Variants in CTNNA2 observed in about 807,000 individuals in gnomAD.
The protein encoded by CTNNA2 is catenin alpha 2.
CTNNA2 carries 42 observed loss-of-function variants against 101.0 expected under a neutral mutation model. The observed-to-expected ratio is 0.42, with a 90% confidence interval of 0.32 to 0.54. The LOEUF is 0.54. CTNNA2 is among the 20% of genes least tolerant of loss of function. The probability of loss-of-function intolerance (pLI) is 0.14; values close to 1 mark genes in which losing one functional copy is unlikely to be tolerated. For missense variants in CTNNA2, 871 were observed against 1,223.1 expected, an observed-to-expected ratio of 0.71 and a Z score of 4.29; for synonymous variants, 450 against 456.4, an observed-to-expected ratio of 0.99 and a Z score of 0.18.
chr2:79,834,357 TGAA>T (rs2105440757), intron 3 of CTNNA2, among the ~76,000 whole-genome samples: 1 of 152,256 alleles, frequency 6.6e-6, no homozygotes, highest in African/African-American at 2.4e-5. Context: ...AGATATTCTC[TGAA>T]GTAGTTGTAA....
chr2:80,589,282 G>A (rs771466133), intron 14 of CTNNA2, 22 bp from the exon 15 acceptor site: 5 of 1,611,940 alleles, frequency 3.1e-6, no homozygotes, highest in Non-Finnish European at 4.2e-6. Flanking sequence ...CGTCACTCAC[G>A]CTTTTTCTGT....
intron 2 of CTNNA2, among the ~76,000 whole-genome samples, chr2:79,219,105 A>G (rs1349821126): frequency 6.6e-6 from 1 of 152,068 alleles, no homozygotes; most frequent in Non-Finnish European, 1.5e-5. Context: ...ACTTCCTCCT[A>G]TTTTTTCCCT....
intron 15 of CTNNA2, among the ~76,000 whole-genome samples, chr2:80,596,351 C>T (rs1462116452): frequency 2.6e-4 from 28 of 107,704 alleles, no homozygotes; most frequent in African/African-American, 1.0e-3. Flanking sequence ...GCTCTGTTGC[C>T]AAGGCTGGAG....
chr2:79,637,895 C>T (rs539661317), intron 1 of CTNNA2, among the ~76,000 whole-genome samples: 1 of 152,090 alleles, frequency 6.6e-6, no homozygotes, highest in African/African-American at 2.4e-5. Context: ...ATTGGGATAC[C>T]ATCACTATTG....
At chr2:79,569,328 G>T (rs796257142) in intron 1 of CTNNA2, among the ~76,000 whole-genome samples, 1 of 152,062 alleles carries the variant, frequency 6.6e-6, no homozygotes, top group Non-Finnish European at 1.5e-5. Flanking sequence ...CGGCTGGGGG[G>T]TCTTGAGGTA....
At chr2:79,287,949 G>A (rs57443532) in intron 2 of CTNNA2, among the ~76,000 whole-genome samples, 15,568 of 152,312 alleles carry the variant, frequency 0.1, 831 homozygotes, top group Non-Finnish European at 0.12. Context: ...ATAATCTCCT[G>A]ATGCGCTGTT....
chr2:79,971,107 G>A (rs1423889945), intron 7 of CTNNA2, among the ~76,000 whole-genome samples: 1 of 152,010 alleles, frequency 6.6e-6, no homozygotes, highest in African/African-American at 2.4e-5. Context: ...CCCCATTTTG[G>A]CATCCTTAAC....
At chr2:79,248,234 A>G (rs1674723204) in intron 2 of CTNNA2, among the ~76,000 whole-genome samples, 1 of 152,136 alleles carries the variant, frequency 6.6e-6, no homozygotes, top group Non-Finnish European at 1.5e-5. Flanking sequence ...GACCGGTGCT[A>G]TTCATTGGTA....
chr2:80,485,481 C>G (rs1036003336), intron 9 of CTNNA2, among the ~76,000 whole-genome samples: 6 of 152,112 alleles, frequency 3.9e-5, no homozygotes, highest in Non-Finnish European at 7.4e-5. Flanking sequence ...TCCAGCCTGA[C>G]AACCTGTTAA....
At chr2:80,043,091 CTT>C (rs767701396) in intron 7 of CTNNA2, among the ~76,000 whole-genome samples, 1,180 of 16,480 alleles carry the variant, frequency 0.072, 12 homozygotes, top group Non-Finnish European at 0.093. Flanking sequence ...TTCTTTCTTT[CTT>C]TCTCTCTCTC....
chr2:80,131,447 A>G (rs1040693155), intron 7 of CTNNA2, among the ~76,000 whole-genome samples: 1 of 152,212 alleles, frequency 6.6e-6, no homozygotes, highest in Admixed American at 6.5e-5. Context: ...GTCTCCTACT[A>G]TTTCAAAATT....
At chr2:79,232,423 G>A (rs928833655) in intron 2 of CTNNA2, among the ~76,000 whole-genome samples, 1 of 152,106 alleles carries the variant, frequency 6.6e-6, no homozygotes, top group African/African-American at 2.4e-5. Flanking sequence ...TGACCACTGT[G>A]AATTAACCTT....
At chr2:79,837,297 G>A (rs1272967730) in intron 3 of CTNNA2, among the ~76,000 whole-genome samples, 1 of 152,194 alleles carries the variant, frequency 6.6e-6, no homozygotes. Context: ...TGAAGGCTGG[G>A]AGGCTAGGCC....
intron 8 of CTNNA2, among the ~76,000 whole-genome samples, chr2:80,400,981 C>T (rs1465866067): frequency 1.3e-5 from 2 of 152,194 alleles, no homozygotes; most frequent in East Asian, 3.9e-4. Context: ...CTCCCACCAC[C>T]CTTTTTGTTT....
chr2:79,268,832 C>T (rs1439554347), intron 2 of CTNNA2, among the ~76,000 whole-genome samples: 1 of 152,066 alleles, frequency 6.6e-6, no homozygotes, highest in Non-Finnish European at 1.5e-5. Context: ...TTTTTCTACA[C>T]AGCAGTAGAT....
intron 9 of CTNNA2, among the ~76,000 whole-genome samples, chr2:80,470,337 G>A (rs987185259): frequency 8.5e-5 from 13 of 152,164 alleles, no homozygotes; most frequent in Admixed American, 7.2e-4. Context: ...GGCTGGGGAT[G>A]GAAAGGAGAT....
chr2:80,034,355 T>A lies in CTNNA2; in HGVS notation c.1056+124558T>A, dbSNP rs200164450. On this transcript the variant is annotated intron_variant, in intron 7 of 18. Coordinates refer to ENST00000402739, the MANE Select transcript of CTNNA2 (RefSeq NM_001282597.3). ...AAATGCTGAATTTCATTTTTTTTTC[T>A]TTTTTTTTTTTTTTTTGATACGGAG... Among the ~76,000 whole-genome samples the A allele has an allele frequency of 4.1e-4, 9 of 21,702 alleles. No homozygotes were observed. The South Asian group carries it at 0.014, about 33-fold the overall frequency. 14.2% of individuals were successfully genotyped at this position (21,702 alleles called of 152,430 possible).
At chr2:79,544,511 C>G (rs185361109) in intron 1 of CTNNA2, among the ~76,000 whole-genome samples, 46 of 152,202 alleles carry the variant, frequency 3.0e-4, no homozygotes, top group African/African-American at 1.1e-3. Context: ...ACTTCAGAGG[C>G]CTTCTGTAGC....
intron 3 of CTNNA2, among the ~76,000 whole-genome samples, chr2:79,357,913 A>G (rs1191547223): frequency 6.6e-6 from 1 of 152,168 alleles, no homozygotes; most frequent in African/African-American, 2.4e-5. Flanking sequence ...CTACATAGAT[A>G]TGAGTTCTCC....
Sources: allele counts gnomAD v4.1 joint callset (sites outside exome capture counted in the v4.1 genomes callset), GRCh38; gene constraint gnomAD v4.1.1; transcripts MANE v1.5; gene names NCBI Gene and HGNC (gene_info 2026-07-23, HGNC 2026-07-21).